Variants in MED13L observed in about 807,000 individuals in gnomAD.
MED13L encodes the protein mediator complex subunit 13L, also known as mediator of RNA polymerase II transcription subunit 13-like.
In MED13L, 7 loss-of-function variants were observed where a neutral mutation model predicts 220.9. That is an observed-to-expected ratio of 0.03 (90% CI 0.02 to 0.06). The LOEUF is 0.06. MED13L is among the 10% of genes least tolerant of loss of function. MED13L has a pLI of 1.00. For synonymous variants in MED13L, 1,011 were observed against 1,015.2 expected (o/e 1.00, Z 0.08); for missense variants, 1,965 against 2,760.5 (o/e 0.71, Z 6.46).
intron 3 of MED13L, among the ~76,000 whole-genome samples, chr12:116,108,716 T>C (rs777066810): frequency 6.6e-6 from 1 of 152,230 alleles, no homozygotes; most frequent in African/African-American, 2.4e-5. Flanking sequence ...AAAGAAAAGA[T>C]GTTTTATTTG....
At chr12:116,159,685 T>C (rs1425199197) in intron 2 of MED13L, among the ~76,000 whole-genome samples, 1 of 152,190 alleles carries the variant, frequency 6.6e-6, no homozygotes, top group East Asian at 1.9e-4. Flanking sequence ...TTAAAAGATA[T>C]GAAAGGATAT....
chr12:116,175,982 C>T (rs1880034190), intron 2 of MED13L, among the ~76,000 whole-genome samples: 1 of 152,040 alleles, frequency 6.6e-6, no homozygotes, highest in Non-Finnish European at 1.5e-5. Context: ...AACAGTCTGG[C>T]TAGAGATGGT....
intron 16 of MED13L, among the ~76,000 whole-genome samples, chr12:115,994,028 C>G (rs1878243816): frequency 6.6e-6 from 1 of 152,076 alleles, no homozygotes; most frequent in South Asian, 2.1e-4. Flanking sequence ...GCCACCAGTC[C>G]CCATGTCCTA....
chr12:116,106,803 G>A (rs1051111039), intron 3 of MED13L, among the ~76,000 whole-genome samples: 6 of 149,566 alleles, frequency 4.0e-5, no homozygotes, highest in East Asian at 3.9e-4. Context: ...CCAAGATCGC[G>A]CCACTGCACT....
At position 116,005,888 on chromosome 12, in the gene MED13L, G is replaced by C; in HGVS notation, c.2450C>G (p.Ser817Cys). ...ACTCACCCCAAGTTCGTCGTCATCA[G>C]AATTATCAAAGATGTTGTCTAAGTC... is the stretch of plus-strand genomic sequence containing the variant. Reference protein sequence around the residue: ...LHDLDNIFDNSDDDELGAVSP... With the variant: ...LHDLDNIFDNCDDDELGAVSP... Residue 817 changes from serine to cysteine, a missense_variant, in exon 13 of 31, where the codon TCT becomes TGT. By Grantham distance (112) the Ser-to-Cys change is moderately radical. Transcript: ENST00000281928. 4 of 1,613,872 alleles carry C rather than the reference G, an allele frequency of 2.5e-6. No homozygotes were observed. The highest frequency in any genetic ancestry group is 3.4e-6 in the Non-Finnish European group (4 of 1,179,826).
At chr12:116,117,294 T>G (rs921339947) in intron 2 of MED13L, among the ~76,000 whole-genome samples, 1 of 152,124 alleles carries the variant, frequency 6.6e-6, no homozygotes, top group African/African-American at 2.4e-5. Context: ...GTGAGACAGG[T>G]TGATACCAAA....
chr12:116,020,608 T>C (rs1880004650), intron 5 of MED13L, among the ~76,000 whole-genome samples: 1 of 152,222 alleles, frequency 6.6e-6, no homozygotes, highest in East Asian at 1.9e-4. Context: ...AGAGGTCTGT[T>C]GATAAAACAA....
At chr12:116,013,170 T>C (rs950842674) in intron 8 of MED13L, among the ~76,000 whole-genome samples, 1 of 152,090 alleles carries the variant, frequency 6.6e-6, no homozygotes, top group Non-Finnish European at 1.5e-5. Context: ...TCCAGGAGTT[T>C]GAGACCATCC....
intron 3 of MED13L, among the ~76,000 whole-genome samples, chr12:116,105,401 C>G (rs1348499358): frequency 6.6e-6 from 1 of 152,178 alleles, no homozygotes; most frequent in Non-Finnish European, 1.5e-5. Context: ...TTTTATCATT[C>G]TGTGCATTTT....
chr12:116,270,871 T>C (rs1432903346), intron 1 of MED13L, among the ~76,000 whole-genome samples: 2 of 150,692 alleles, frequency 1.3e-5, no homozygotes, highest in Non-Finnish European at 3.0e-5. Flanking sequence ...TGAAACCCCA[T>C]CTCTACTAAA....
chr12:116,043,019 T>A (rs1237377564), intron 4 of MED13L, among the ~76,000 whole-genome samples: 2 of 152,198 alleles, frequency 1.3e-5, no homozygotes, highest in African/African-American at 4.8e-5. Flanking sequence ...TTAATTTTTT[T>A]ATTCAGTAAC....
At chr12:116,018,237 T>C (rs1047593282) in intron 7 of MED13L, among the ~76,000 whole-genome samples, 4 of 152,186 alleles carry the variant, frequency 2.6e-5, no homozygotes, top group African/African-American at 7.2e-5. Flanking sequence ...TTGTAAACGA[T>C]ATAGCCAGGT....
Position 115,991,042 on chromosome 12 carries a change from C to G in MED13L, c.3912G>C (p.Val1304=). 1 of 1,614,056 alleles carries G rather than the reference C, an allele frequency of 6.2e-7. No homozygotes were observed. ...TACCATTGCTGTGAGGCCAAGAGTG[C>G]ACAGTGGCACTTCTCACCAGAGCTT... ...VDEALVRSAT[V]HSWPHSNVLD... Residue 1304 remains valine, a synonymous_variant, in exon 17 of 31, where the codon GTG becomes GTC. Transcript: ENST00000281928. This position sits in a 1 kb window ranked among gnomAD's most constrained non-coding sequence, Gnocchi z 7.7.
Position 116,012,828 on chromosome 12 carries a change from G to T in MED13L, c.1249C>A (p.Pro417Thr). The change falls in exon 9 of 31, where the codon CCA becomes ACA. Residue 417 changes from proline (P) to threonine (T), a missense_variant. By Grantham distance (38) the Pro-to-Thr change is conservative (BLOSUM62 -1). Transcript: ENST00000281928. Reference sequence around the variant, plus strand: ...CAAGAACAGCTGACTCTTTGGGTTGGATCCACAAAATCCCAAGTAGCAGGA... The same window carrying T: ...CAAGAACAGCTGACTCTTTGGGTTGTATCCACAAAATCCCAAGTAGCAGGA... ...SNPATWDFVD[P>T]TQRVSCSCSR... The T allele has an allele frequency of 6.2e-7, 1 of 1,613,796 alleles. No homozygotes were observed. Among genetic ancestry groups the T allele is most frequent in the South Asian group, 1.1e-5 (1 of 91,078 alleles).
chr12:116,029,181 A>G (rs888059605), intron 4 of MED13L, among the ~76,000 whole-genome samples: 1 of 151,666 alleles, frequency 6.6e-6, no homozygotes, highest in Admixed American at 6.6e-5. Context: ...TAAATAAGGA[A>G]CTAAGAAAAT....
At chr12:116,190,027 A>G (rs1881164069) in intron 2 of MED13L, among the ~76,000 whole-genome samples, 1 of 151,882 alleles carries the variant, frequency 6.6e-6, no homozygotes, top group Admixed American at 6.6e-5. Context: ...TTTCTTTCTG[A>G]TCTGTATGTC....
intron 22 of MED13L, among the ~76,000 whole-genome samples, chr12:115,981,717 T>C (rs764030931): frequency 3.3e-5 from 5 of 152,176 alleles, no homozygotes; most frequent in Admixed American, 6.5e-5. Flanking sequence ...GGAATGACTA[T>C]GGAAAATATG....
At chr12:115,968,252 G>A (rs1161304921) in intron 28 of MED13L, among the ~76,000 whole-genome samples, 1 of 152,116 alleles carries the variant, frequency 6.6e-6, no homozygotes, top group Non-Finnish European at 1.5e-5. Context: ...TCTAACTGAA[G>A]CAAAGTTACC....
intron 2 of MED13L, among the ~76,000 whole-genome samples, chr12:116,118,076 TG>T (rs1874683207): frequency 6.6e-6 from 1 of 152,198 alleles, no homozygotes; most frequent in South Asian, 2.1e-4. Context: ...CCCAAAGTGC[TG>T]GGATTACAGG....
Sources: gnomAD v4.1 joint callset for allele counts (sites outside exome capture counted in the v4.1 genomes callset) on GRCh38, gnomAD v4.1.1 for gene constraint, Gnocchi (gnomAD v3.1) non-coding constraint, MANE v1.5 for transcripts, NCBI Gene and HGNC (gene_info 2026-07-23, HGNC 2026-07-21) for gene names.